Variants in ZMIZ1 observed in about 807,000 individuals in gnomAD.
ZMIZ1 encodes zinc finger MIZ domain-containing protein 1.
A neutral mutation model predicts 113.9 loss-of-function variants in ZMIZ1; 17 were observed. That is an observed-to-expected ratio of 0.15 (90% CI 0.10 to 0.22). The LOEUF (loss-of-function observed/expected upper bound fraction) is 0.22, where lower values mean the gene tolerates loss of function less well. ZMIZ1 is among the 10% of genes least tolerant of loss of function. The pLI is 1.00. For synonymous variants in ZMIZ1, 607 were observed against 603.1 expected (o/e 1.01, Z -0.09); for missense variants, 1,059 against 1,477.8 (o/e 0.72, Z 4.65).
At chr10:79,301,062 G>A (rs1854265624) in intron 17 of ZMIZ1, 120 bp downstream of exon 17, 2 of 1,383,364 alleles carry the variant, frequency 1.4e-6, no homozygotes, top group African/African-American at 1.4e-5. Context: ...CCACCCCCGT[G>A]CCCACAGCCG....
At chr10:79,115,981 A>G (rs1564659441) in intron 1 of ZMIZ1, among the ~76,000 whole-genome samples, 1 of 152,204 alleles carries the variant, frequency 6.6e-6, no homozygotes. Context: ...GTAGCATTAT[A>G]CTACGGCCAT....
intron 1 of ZMIZ1, among the ~76,000 whole-genome samples, chr10:79,079,479 CCT>C (rs556610050): frequency 1.9e-3 from 290 of 152,358 alleles, no homozygotes; most frequent in Non-Finnish European, 3.4e-3. Flanking sequence ...CCTTTCTCCC[CCT>C]CTTCCATTCC....
rs980508868 is a variant in ZMIZ1 at position 79,098,958 on chromosome 10, C to T, written c.-336-19957C>T. 5.9e-5 allele frequency among the ~76,000 whole-genome samples: 9 copies of T among 152,170 alleles called. No individual in the cohort carries two copies. The East Asian group carries it at 7.7e-4, about 13-fold the overall frequency. On this transcript the variant is annotated intron_variant, in intron 1 of 24. Coordinates refer to ENST00000334512, the MANE Select transcript of ZMIZ1 (RefSeq NM_020338.4). ...TGTGGTGCAGACGTCTGCATTGGCC[C>T]CTGGAGGCTGGAAGTGGCTTTGAGT...
intron 3 of ZMIZ1, among the ~76,000 whole-genome samples, chr10:79,151,337 C>T (rs992286340): frequency 2.6e-5 from 4 of 152,192 alleles, no homozygotes; most frequent in South Asian, 4.1e-4. Context: ...GGGCCCCCTG[C>T]GGCCCTTCCC....
At chr10:79,192,305 T>C (rs1847638717) in intron 4 of ZMIZ1, among the ~76,000 whole-genome samples, 1 of 152,246 alleles carries the variant, frequency 6.6e-6, no homozygotes, top group South Asian at 2.1e-4. Flanking sequence ...AACTGTCACT[T>C]CTGAATTAAC....
At chr10:79,195,520 G>A (rs1014907434) in intron 4 of ZMIZ1, among the ~76,000 whole-genome samples, 1 of 151,466 alleles carries the variant, frequency 6.6e-6, no homozygotes, top group African/African-American at 2.4e-5. Context: ...CTGCAGCCAC[G>A]GAGGATTTGT....
intron 1 of ZMIZ1, among the ~76,000 whole-genome samples, chr10:79,104,886 C>T (rs540841163): frequency 2.9e-4 from 44 of 151,744 alleles, no homozygotes; most frequent in African/African-American, 9.7e-4. Flanking sequence ...CTCAAAGAAA[C>T]GATGGGCCTT....
rs149229902 is a variant in ZMIZ1 at position 79,155,429 on chromosome 10, C to A, written c.-130-6624C>A. On this transcript the variant is annotated intron_variant, in intron 3 of 24. Coordinates refer to ENST00000334512, the MANE Select transcript of ZMIZ1 (RefSeq NM_020338.4). ...GAATCCTAGTTTGAATCCTAGTTCC[C>A]GTTTTTATCATGGTGTGATCTTGGC... Among the ~76,000 whole-genome samples the A allele has an allele frequency of 2.6e-3, 399 of 152,324 alleles. 1 individual carries two copies. The highest frequency in any genetic ancestry group is 4.5e-3 in the Non-Finnish European group (304 of 68,018).
chr10:79,205,527 T>C (rs994345061), intron 5 of ZMIZ1, among the ~76,000 whole-genome samples: 2 of 152,200 alleles, frequency 1.3e-5, no homozygotes, highest in African/African-American at 4.8e-5. Flanking sequence ...GGCCCTGGCA[T>C]CAACAGCAGT....
At chr10:79,222,708 A>G (rs1849030241) in intron 7 of ZMIZ1, among the ~76,000 whole-genome samples, 1 of 152,102 alleles carries the variant, frequency 6.6e-6, no homozygotes, top group Non-Finnish European at 1.5e-5. Flanking sequence ...CCTGTGGTCC[A>G]TGGAGAGAGT....
intron 8 of ZMIZ1, among the ~76,000 whole-genome samples, chr10:79,287,931 A>G (rs1853193264): frequency 6.6e-6 from 1 of 152,222 alleles, no homozygotes; most frequent in Admixed American, 6.5e-5. Flanking sequence ...GTGGAGTGCT[A>G]TGAAAAAAAT....
In ZMIZ1 at chr10:79,230,293, C is replaced by T. The variant is rs1010637710; in HGVS notation, c.280+14019C>T. 2.6e-5 allele frequency among the ~76,000 whole-genome samples: 4 copies of T among 152,208 alleles called. No homozygotes were observed. The South Asian group carries it at 6.2e-4, about 24-fold the overall frequency. On this transcript the variant is annotated intron_variant, in intron 7 of 24. Transcript: ENST00000334512. ...TCCGTGCACCACAGGTCCTGCTGCT[C>T]GGCTCTGCCAGGGTCATCTGCAGCG...
chr10:79,305,274 A>G lies in ZMIZ1; in HGVS notation c.2354+43A>G, dbSNP rs1014827125. ...CGGTGGGGGCTTCCCCCATCCCCCA[A>G]CCACAGACGGGAGGGGCCAGCTACC... is the stretch of plus-strand genomic sequence containing the variant. On this transcript the variant is annotated intron_variant, in intron 20 of 24. Transcript: ENST00000334512. 8.1e-6 allele frequency: 13 copies of G among 1,603,412 alleles called. No individual in the cohort carries two copies. The African/African-American group carries it at 1.5e-4, about 18-fold the overall frequency.
chr10:79,276,049 C>G (rs1315036522), intron 7 of ZMIZ1, among the ~76,000 whole-genome samples: 1 of 152,214 alleles, frequency 6.6e-6, no homozygotes, highest in South Asian at 2.1e-4. Flanking sequence ...CAGGTCACTC[C>G]CAGCAGGAGT....
chr10:79,189,408 T>A (rs1047454637), intron 4 of ZMIZ1, among the ~76,000 whole-genome samples: 5 of 152,224 alleles, frequency 3.3e-5, no homozygotes, highest in Non-Finnish European at 5.9e-5. Context: ...ACCAGGGCAC[T>A]CTAGAGAGTG....
In ZMIZ1 at chr10:79,315,247, A is replaced by G. The variant is rs1248679691; in HGVS notation, c.*2498A>G. 1 of 152,770 alleles carries G rather than the reference A, an allele frequency of 6.5e-6. No homozygotes were observed. Among genetic ancestry groups the G allele is most frequent in the Non-Finnish European group, 1.5e-5 (1 of 68,116 alleles). 9.5% of individuals were successfully genotyped at this position (152,770 alleles called of 1,614,324 possible). On this transcript the variant is annotated 3_prime_UTR_variant, in exon 25 of 25. Coordinates refer to ENST00000334512, the MANE Select transcript of ZMIZ1 (RefSeq NM_020338.4). The stretch of plus-strand genomic sequence containing the variant: ...GCCTACAGCCTGCAGTCTGGAGACA[A>G]GCTCTTCCGGAGTGCTCTGGGAGCC...
intron 4 of ZMIZ1, among the ~76,000 whole-genome samples, chr10:79,164,357 G>A (rs377567663): frequency 3.9e-5 from 6 of 152,234 alleles, no homozygotes; most frequent in South Asian, 2.1e-4. Context: ...TCACTACCAC[G>A]TCTTAGTCCC....
rs1012849054 is a variant in ZMIZ1, at chr10:79,298,664, T to G, written c.1666+84T>G. The G allele has an allele frequency of 1.6e-5, 20 of 1,284,294 alleles. No individual in the cohort carries two copies. The African/African-American group carries it at 2.9e-4, about 19-fold the overall frequency. 79.6% of individuals were successfully genotyped at this position (1,284,294 alleles called of 1,614,324 possible). On this transcript the variant is annotated intron_variant, in intron 15 of 24. Coordinates refer to ENST00000334512, the MANE Select transcript of ZMIZ1 (RefSeq NM_020338.4). ...GCAGGGGCTTCGCAGTCAGGCTGCC[T>G]GGGGAGTGGGCATCAGAAGGGGCAG... is the stretch of plus-strand genomic sequence containing the variant.
chr10:79,243,061 G>C (rs1849944611), intron 7 of ZMIZ1, among the ~76,000 whole-genome samples: 1 of 151,348 alleles, frequency 6.6e-6, no homozygotes. Context: ...CCCTGGAGAC[G>C]CCAAGGCAGG....
Sources: allele counts gnomAD v4.1 joint callset (sites outside exome capture counted in the v4.1 genomes callset), GRCh38; gene constraint gnomAD v4.1.1; transcripts MANE v1.5; gene names NCBI Gene and HGNC (gene_info 2026-07-23, HGNC 2026-07-21).